Variants in IL7 observed in about 807,000 individuals in gnomAD.
IL7 encodes the protein interleukin-7.
Under a neutral mutation model 21.6 loss-of-function variants are expected in IL7, and 3 were observed. The observed-to-expected ratio is 0.14, with a 90% CI of 0.06 to 0.36. The LOEUF (loss-of-function observed/expected upper bound fraction) is 0.36, where lower values mean the gene tolerates loss of function less well. Among genes scored for constraint, IL7 ranks in the 10% least tolerant of loss-of-function variants. The probability of loss-of-function intolerance (pLI) is 1.00; values close to 1 mark genes in which losing one functional copy is unlikely to be tolerated. For missense variants in IL7, 175 were observed against 200.2 expected, an observed-to-expected ratio of 0.87 and a Z score of 0.76; for synonymous variants, 62 against 68.1, an observed-to-expected ratio of 0.91 and a Z score of 0.44.
chr8:78,775,838 G>T (rs1813119213), intron 2 of IL7, among the ~76,000 whole-genome samples: 1 of 152,030 alleles, frequency 6.6e-6, no homozygotes, highest in African/African-American at 2.4e-5. Flanking sequence ...GATAGTCAGG[G>T]CTTGGGACTT....
chr8:78,774,382 T>C (rs1225841306), intron 2 of IL7, among the ~76,000 whole-genome samples: 1 of 152,146 alleles, frequency 6.6e-6, no homozygotes, highest in African/African-American at 2.4e-5. Flanking sequence ...ATGTATGAAA[T>C]AGGACATATT....
rs994416882 is a variant in IL7 at position 78,798,143 on chromosome 8, C to T, written c.76G>A (p.Asp26Asn). Residue 26 changes from aspartate (D) to asparagine (N), a missense_variant, in exon 2 of 6, where the codon GAT (aspartate) becomes AAT (asparagine). By Grantham distance (23) the Asp-to-Asn change is conservative. Coordinates refer to ENST00000263851, the MANE Select transcript of IL7 (RefSeq NM_000880.4). ...ILVLLPVASS[D>N]CDIEGKDGKQ... is the part of the protein sequence containing the mutation. ...CCATCTTTACCTTCAATATCACAAT[C>T]AGATGATGCTACTGGCAACAGAACA... 9.3e-6 allele frequency: 15 copies of T among 1,611,378 alleles called. No homozygotes were observed. Among genetic ancestry groups the T allele is most frequent in the Non-Finnish European group, 9.3e-6 (11 of 1,177,884 alleles).
intron 2 of IL7, among the ~76,000 whole-genome samples, chr8:78,744,112 A>T (rs1811891360): frequency 6.6e-6 from 1 of 152,042 alleles, no homozygotes; most frequent in Non-Finnish European, 1.5e-5. Context: ...TTTGTAGAGC[A>T]GCTGCGCAGT....
exon 5 of IL7, chr8:78,675,748 A>G (rs376398666): frequency 2.0e-6 from 3 of 1,487,166 alleles, no homozygotes; most frequent in Non-Finnish European, 2.8e-6. Flanking sequence ...CACAATTTCA[A>G]GTTATATAAA....
At chr8:78,694,185 A>G (rs1243707125) in intron 3 of IL7, among the ~76,000 whole-genome samples, 1 of 151,434 alleles carries the variant, frequency 6.6e-6, no homozygotes, top group Non-Finnish European at 1.5e-5. Flanking sequence ...TAATATTTTC[A>G]TAGTTGTCTG....
downstream of IL7, among the ~76,000 whole-genome samples, chr8:78,716,806 G>T (rs927476601): frequency 6.6e-6 from 1 of 152,126 alleles, no homozygotes; most frequent in Non-Finnish European, 1.5e-5. Context: ...ATTGGATCAT[G>T]GGGGTGGACT....
downstream of IL7, among the ~76,000 whole-genome samples, chr8:78,728,406 A>G (rs1309763277): frequency 1.3e-5 from 2 of 152,048 alleles, no homozygotes; most frequent in African/African-American, 4.8e-5. Flanking sequence ...AAACTGTGGT[A>G]TTGGAGAAAG....
chr8:78,692,471 G>A (rs1348206393), intron 3 of IL7, among the ~76,000 whole-genome samples: 1 of 152,084 alleles, frequency 6.6e-6, no homozygotes, highest in Admixed American at 6.5e-5. Context: ...TTCTTTGCTG[G>A]TAATGTTTGG....
At chr8:78,679,820 G>A (rs1474737968) in intron 4 of IL7, among the ~76,000 whole-genome samples, 1 of 152,010 alleles carries the variant, frequency 6.6e-6, no homozygotes, top group Non-Finnish European at 1.5e-5. Context: ...GTTCATTTTT[G>A]TTTTTTACTG....
At chr8:78,718,079 T>C (rs1264804675) in intron 6 of IL7, 1 of 152,086 alleles carries the variant, frequency 6.6e-6, no homozygotes, top group Non-Finnish European at 1.5e-5. Flanking sequence ...AGTTACGTAA[T>C]TTAAACATCT....
chr8:78,782,048 T>C (rs1220888949), intron 2 of IL7, among the ~76,000 whole-genome samples: 5 of 152,238 alleles, frequency 3.3e-5, no homozygotes, highest in Non-Finnish European at 7.3e-5. Flanking sequence ...TCTTGTGTTG[T>C]ATTTTTCAGC....
chr8:78,788,232 A>T (rs1042772730), intron 2 of IL7, among the ~76,000 whole-genome samples: 1 of 151,272 alleles, frequency 6.6e-6, no homozygotes, highest in African/African-American at 2.4e-5. Flanking sequence ...TTCCTCTACT[A>T]ATTTCTTGTT....
At chr8:78,785,162 G>A (rs1813467576) in intron 2 of IL7, among the ~76,000 whole-genome samples, 1 of 151,914 alleles carries the variant, frequency 6.6e-6, no homozygotes, top group Non-Finnish European at 1.5e-5. Flanking sequence ...ATATAACTTA[G>A]TAACAATCAT....
At chr8:78,782,042 G>A (rs895131963) in intron 2 of IL7, among the ~76,000 whole-genome samples, 2 of 152,168 alleles carry the variant, frequency 1.3e-5, no homozygotes, top group African/African-American at 4.8e-5. Flanking sequence ...GGAAGTTCTT[G>A]TGTTGTATTT....
chr8:78,747,323 T>A (rs779622084), intron 2 of IL7, among the ~76,000 whole-genome samples: 2 of 151,764 alleles, frequency 1.3e-5, no homozygotes, highest in Non-Finnish European at 2.9e-5. Context: ...GTAACTGGAT[T>A]CCAGGCATGC....
chr8:78,764,871 AATTC>A (rs1812704316), intron 2 of IL7, among the ~76,000 whole-genome samples: 1 of 152,124 alleles, frequency 6.6e-6, no homozygotes, highest in African/African-American at 2.4e-5. Flanking sequence ...CAGGAGAGTA[AATTC>A]AATATTGAAA....
chr8:78,709,321 C>T (rs1810882062), intron 3 of IL7, among the ~76,000 whole-genome samples: 1 of 152,100 alleles, frequency 6.6e-6, no homozygotes, highest in African/African-American at 2.4e-5. Context: ...TTTTTGAGTA[C>T]ATTTTTATAT....
rs182901655 is a variant in IL7 at position 78,772,141 on chromosome 8, G to T, written c.147+25931C>A. ...ACACTAAGTGGAAAAACTAATGATT[G>T]GCAGGGCTAGCATGCAAATACTGGT... On this transcript the variant is annotated intron_variant, in intron 2 of 5. Coordinates refer to ENST00000263851, the MANE Select transcript of IL7 (RefSeq NM_000880.4). Among the ~76,000 whole-genome samples, 373 of 152,204 alleles carry T rather than the reference G, an allele frequency of 2.5e-3. 2 individuals are homozygous for T. Among genetic ancestry groups the T allele is most frequent in the African/African-American group, 8.4e-3 (347 of 41,546 alleles).
chr8:78,693,967 C>T (rs962000445), intron 3 of IL7, among the ~76,000 whole-genome samples: 2 of 152,160 alleles, frequency 1.3e-5, no homozygotes, highest in Non-Finnish European at 2.9e-5. Flanking sequence ...CCAGTTTTCC[C>T]AGCACCATTT....
Sources: allele counts gnomAD v4.1 joint callset (sites outside exome capture counted in the v4.1 genomes callset), GRCh38; gene constraint gnomAD v4.1.1; transcripts MANE v1.5; gene names NCBI Gene and HGNC (gene_info 2026-07-23, HGNC 2026-07-21).